Variants in KAT6B observed in about 807,000 individuals in gnomAD.
The protein encoded by KAT6B is lysine acetyltransferase 6B.
Under a neutral mutation model 187.5 loss-of-function variants are expected in KAT6B, and 10 were observed. The ratio of observed to expected loss-of-function variants is 0.05; its 90% CI spans 0.03 to 0.09. The LOEUF (loss-of-function observed/expected upper bound fraction) is 0.09. Ranked by LOEUF, KAT6B falls within the 10% of genes least tolerant of loss-of-function variation. The pLI is 1.00. For missense variants in KAT6B, 1,952 were observed against 2,558.9 expected, an observed-to-expected ratio of 0.76 and a Z score of 5.12; for synonymous variants, 861 against 926.8, an observed-to-expected ratio of 0.93 and a Z score of 1.29.
At chr10:74,984,273 A>G (rs1400400437) in intron 11 of KAT6B, 2 of 152,234 alleles carry the variant, frequency 1.3e-5, no homozygotes, top group East Asian at 1.9e-4. Context: ...GGTCAAGTTC[A>G]TTGTTTCAGA....
chr10:74,994,686 C>G (rs565624364), intron 13 of KAT6B, among the ~76,000 whole-genome samples: 11 of 151,764 alleles, frequency 7.2e-5, no homozygotes, highest in African/African-American at 2.7e-4. Context: ...ACTTGGGAGG[C>G]TGAGGCAGAG....
At chr10:74,854,823 C>T (rs1426211093) in intron 3 of KAT6B, among the ~76,000 whole-genome samples, 2 of 152,218 alleles carry the variant, frequency 1.3e-5, no homozygotes, top group East Asian at 1.9e-4. Flanking sequence ...TTAGAAACAG[C>T]ATAGGCGTAC....
chr10:74,846,283 TAAAG>T (rs951235729), intron 3 of KAT6B, among the ~76,000 whole-genome samples: 2 of 152,186 alleles, frequency 1.3e-5, no homozygotes, highest in African/African-American at 4.8e-5. Context: ...AATGTGGGCA[TAAAG>T]AAAGAAGTAA....
intron 3 of KAT6B, among the ~76,000 whole-genome samples, chr10:74,954,931 G>A (rs571879340): frequency 6.6e-6 from 1 of 152,030 alleles, no homozygotes; most frequent in East Asian, 1.9e-4. Flanking sequence ...CCTCTGAGTC[G>A]GTAATGGGCT....
rs2134241407 is a variant in KAT6B at position 75,029,350 on chromosome 10, G to A, written c.4526G>A (p.Gly1509Glu). ...VPESDEEPPP[G>E]EQAQKQDQKN... Reference sequence around the variant, plus strand: ...GAATCTGACGAGGAGCCACCCCCAGGAGAACAGGCACAGAAGCAGGACCAA... The same window carrying A: ...GAATCTGACGAGGAGCCACCCCCAGAAGAACAGGCACAGAAGCAGGACCAA... Residue 1509 changes from glycine to glutamate, a missense_variant, in exon 18 of 18, where the codon GGA becomes GAA. Physicochemically the swap from Gly to Glu is moderately conservative, Grantham distance 98. Coordinates refer to ENST00000287239, the MANE Select transcript of KAT6B (RefSeq NM_012330.4). This position sits in a 1 kb window ranked among gnomAD's most constrained non-coding sequence, Gnocchi z 6.2. 6.2e-7 allele frequency: 1 copy of A among 1,614,074 alleles called. No individual in the cohort carries two copies. Among genetic ancestry groups the A allele is most frequent in the Non-Finnish European group, 8.5e-7 (1 of 1,180,000 alleles).
At chr10:74,888,042 G>A (rs1845406839) in intron 3 of KAT6B, among the ~76,000 whole-genome samples, 1 of 152,190 alleles carries the variant, frequency 6.6e-6, no homozygotes, top group Non-Finnish European at 1.5e-5. Flanking sequence ...GGCTGGCAGA[G>A]CACTGACTGA....
chr10:74,937,416 C>T (rs1378433993), intron 3 of KAT6B, among the ~76,000 whole-genome samples: 1 of 152,176 alleles, frequency 6.6e-6, no homozygotes, highest in Non-Finnish European at 1.5e-5. Context: ...ACTGTCTGCA[C>T]TGTATTGTCA....
chr10:75,016,490 A>C (rs1844981430), intron 13 of KAT6B, among the ~76,000 whole-genome samples: 1 of 152,240 alleles, frequency 6.6e-6, no homozygotes, highest in Non-Finnish European at 1.5e-5. Context: ...GCAAAAGAGG[A>C]AGCCAGCTTT....
chr10:75,021,037 T>A, intron 14 of KAT6B, 89 bp from the exon 15 acceptor site: 1 of 1,305,398 alleles, frequency 7.7e-7, no homozygotes, highest in Non-Finnish European at 1.1e-6. Flanking sequence ...CTAACGCAGA[T>A]AACATTAGTG....
At chr10:74,828,859 G>C (rs750682097) in intron 1 of KAT6B, among the ~76,000 whole-genome samples, 2 of 151,972 alleles carry the variant, frequency 1.3e-5, no homozygotes, top group Admixed American at 6.5e-5. Flanking sequence ...GAGCCACCGC[G>C]CCCGGCCATT....
At chr10:74,869,552 C>G (rs1843771662) in intron 3 of KAT6B, among the ~76,000 whole-genome samples, 1 of 152,226 alleles carries the variant, frequency 6.6e-6, no homozygotes, top group African/African-American at 2.4e-5. Context: ...TCCCAAAGTG[C>G]TGAGATTACA....
intron 1 of KAT6B, among the ~76,000 whole-genome samples, chr10:74,837,523 C>T (rs1290399856): frequency 1.3e-5 from 2 of 151,808 alleles, no homozygotes; most frequent in African/African-American, 4.8e-5. Flanking sequence ...TCCCCATGCT[C>T]TGAAAAAGAG....
intron 13 of KAT6B, among the ~76,000 whole-genome samples, chr10:75,011,956 T>C (rs1448904747): frequency 1.3e-5 from 2 of 152,174 alleles, no homozygotes; most frequent in East Asian, 1.9e-4. Flanking sequence ...AATGAAGAAG[T>C]GGTGCTGTAC....
At chr10:75,002,061 C>T (rs957112880) in intron 13 of KAT6B, among the ~76,000 whole-genome samples, 1 of 152,132 alleles carries the variant, frequency 6.6e-6, no homozygotes, top group Non-Finnish European at 1.5e-5. Flanking sequence ...AAGACAGGAC[C>T]TGAGGATGGG....
intron 3 of KAT6B, among the ~76,000 whole-genome samples, chr10:74,921,701 T>C (rs1032936994): frequency 1.3e-5 from 2 of 152,236 alleles, no homozygotes; most frequent in African/African-American, 2.4e-5. Flanking sequence ...CCCTTATCAC[T>C]CCTGCTTACT....
chr10:75,022,090 CGAGGAGGAGGAA>C lies in KAT6B; in HGVS notation c.3234_3245del (p.Glu1086_Glu1089del). 1.9e-6 allele frequency: 3 copies of C among 1,595,222 alleles called. No individual in the cohort carries two copies. The highest frequency in any genetic ancestry group is 2.6e-6 in the Non-Finnish European group (3 of 1,168,126). On this transcript the variant is annotated inframe_deletion, in exon 16 of 18. Coordinates refer to ENST00000287239, the MANE Select transcript of KAT6B (RefSeq NM_012330.4). ...GTGAAGAAGAAGAGGAGGAGGAGGACGAGGAGGAGGAAGAAGAGGAGGAAGAAGAGGAAGAGG... is the reference window on the plus strand; with the variant it reads ...GTGAAGAAGAAGAGGAGGAGGAGGACGAAGAGGAGGAAGAAGAGGAAGAGG...
intron 3 of KAT6B, among the ~76,000 whole-genome samples, chr10:74,859,180 A>C (rs180767171): frequency 2.6e-5 from 4 of 152,262 alleles, no homozygotes; most frequent in African/African-American, 7.2e-5. Flanking sequence ...TCCCAGGTTC[A>C]AGCAATTCTC....
At chr10:74,934,082 A>T (rs559600784) in intron 3 of KAT6B, among the ~76,000 whole-genome samples, 26 of 150,498 alleles carry the variant, frequency 1.7e-4, no homozygotes, top group Non-Finnish European at 3.2e-4. Context: ...GCTACTTGGC[A>T]GGCTGAGGCA....
chr10:74,936,622 G>A (rs1008996398), intron 3 of KAT6B, among the ~76,000 whole-genome samples: 3 of 152,108 alleles, frequency 2.0e-5, no homozygotes, highest in Admixed American at 6.5e-5. Flanking sequence ...ATTTTAGATA[G>A]GAAAATTGAA....
Sources: allele counts gnomAD v4.1 joint callset (sites outside exome capture counted in the v4.1 genomes callset), GRCh38; gene constraint gnomAD v4.1.1; non-coding constraint Gnocchi (gnomAD v3.1); transcripts MANE v1.5; gene names NCBI Gene and HGNC (gene_info 2026-07-23, HGNC 2026-07-21).